The following COPG2 variants were observed in gnomAD, a reference collection of about 807,000 sequenced individuals.
COPG2 encodes the protein coatomer subunit gamma-2.
Under a neutral mutation model 46.3 loss-of-function variants are expected in COPG2, and 37 were observed. The ratio of observed to expected loss-of-function variants is 0.80; its 90% confidence interval spans 0.61 to 1.05. The LOEUF is 1.05. Ranked by LOEUF, COPG2 falls within the 50% of genes least tolerant of loss-of-function variation. The pLI is 0.00. For missense variants in COPG2, 427 were observed against 387.8 expected, an observed-to-expected ratio of 1.10 and a Z score of -0.85; for synonymous variants, 159 against 129.7, an observed-to-expected ratio of 1.23 and a Z score of -1.53.
At chr7:130,643,336 G>A (rs940265819) in intron 5 of COPG2, among the ~76,000 whole-genome samples, 19 of 151,190 alleles carry the variant, frequency 1.3e-4, no homozygotes, top group Middle Eastern at 3.4e-3. Context: ...TTTATTTATC[G>A]ACATAGCTCC....
At chr7:130,559,162 G>C (rs1408010242) in intron 12 of COPG2, among the ~76,000 whole-genome samples, 2 of 152,080 alleles carry the variant, frequency 1.3e-5, no homozygotes, top group Non-Finnish European at 2.9e-5. Context: ...CACAGATAAA[G>C]AGCTAATATC....
chr7:130,557,848 A>C (rs1189840605), intron 12 of COPG2, among the ~76,000 whole-genome samples: 6 of 139,136 alleles, frequency 4.3e-5, no homozygotes, highest in Non-Finnish European at 6.3e-5. Flanking sequence ...ATCATGCAAG[A>C]ATAGCCAGGA....
At chr7:130,651,429 G>A (rs1554459051) in intron 5 of COPG2, among the ~76,000 whole-genome samples, 3 of 142,636 alleles carry the variant, frequency 2.1e-5, no homozygotes, top group South Asian at 2.2e-4. Context: ...CGATTCTCCC[G>A]CCTCAGCCTC....
intron 9 of COPG2, among the ~76,000 whole-genome samples, chr7:130,566,218 G>C (rs1584975364): frequency 6.6e-6 from 1 of 152,128 alleles, no homozygotes; most frequent in Non-Finnish European, 1.5e-5. Context: ...TTGTGGTTTC[G>C]ATTTGCATTT....
At chr7:130,569,415 G>A (rs1793856742) in intron 9 of COPG2, among the ~76,000 whole-genome samples, 1 of 151,926 alleles carries the variant, frequency 6.6e-6, no homozygotes, top group Non-Finnish European at 1.5e-5. Context: ...ATCATTCAAG[G>A]CCACTATGAA....
intron 20 of COPG2, among the ~76,000 whole-genome samples, chr7:130,513,308 A>AAAAAAAATATATATATAT (rs1236511164): frequency 5.4e-5 from 3 of 55,670 alleles, no homozygotes; most frequent in Non-Finnish European, 5.9e-5. Context: ...AAAAAAAAAA[A>AAAAAAAATATATATATAT]ATATATATAT....
At chr7:130,601,547 A>G (rs1554450333) in intron 9 of COPG2, among the ~76,000 whole-genome samples, 1 of 152,158 alleles carries the variant, frequency 6.6e-6, no homozygotes, top group African/African-American at 2.4e-5. Flanking sequence ...ATCATTCTCA[A>G]CAAACTAACA....
intron 9 of COPG2, among the ~76,000 whole-genome samples, chr7:130,590,391 G>T (rs180691135): frequency 0.018 from 2,787 of 152,328 alleles, 44 homozygotes; most frequent in Non-Finnish European, 0.024. Context: ...GAGTGCCTGC[G>T]ACTGCAGGTG....
rs550109402 is a variant in COPG2 at position 130,643,031 on chromosome 7, G to A, written c.323+9838C>T. Among the ~76,000 whole-genome samples the A allele has an allele frequency of 2.7e-4, 41 of 150,968 alleles. No homozygotes were observed. The South Asian group carries it at 2.9e-3, about 11-fold the overall frequency. On this transcript the variant is annotated intron_variant, in intron 5 of 23. Coordinates refer to ENST00000425248, the MANE Select transcript of COPG2 (RefSeq NM_012133.6). ...AAAACAAAAACAAAAACTATAGGCC[G>A]GGCGCGGTGGCTCCCAGCACTTTGG...
chr7:130,610,797 G>T, intron 9 of COPG2, 156 bp downstream of exon 9: 1 of 750,836 alleles, frequency 1.3e-6, no homozygotes, highest in Non-Finnish European at 2.3e-6. Flanking sequence ...AAAAAAGTGT[G>T]ACTTGAAATT....
intron 20 of COPG2, among the ~76,000 whole-genome samples, chr7:130,537,559 G>T (rs1454554448): frequency 1.3e-5 from 2 of 150,974 alleles, no homozygotes; most frequent in East Asian, 3.9e-4. Context: ...CTGGGAGCTG[G>T]GAGAGCAGAG....
chr7:130,625,234 T>C (rs1418177522), intron 5 of COPG2, among the ~76,000 whole-genome samples: 8 of 152,212 alleles, frequency 5.3e-5, no homozygotes, highest in African/African-American at 1.4e-4. Flanking sequence ...AAGAAGACTA[T>C]TGATTATTAT....
chr7:130,620,648 A>G (rs1281822055), intron 5 of COPG2, among the ~76,000 whole-genome samples: 1 of 152,194 alleles, frequency 6.6e-6, no homozygotes, highest in Non-Finnish European at 1.5e-5. Context: ...CTAGTTTCAC[A>G]GGTCCATAGA....
At chr7:130,616,906 C>A in intron 6 of COPG2, 84 bp downstream of exon 6, 2 of 809,838 alleles carry the variant, frequency 2.5e-6, no homozygotes, top group South Asian at 3.8e-5. Flanking sequence ...CAAAGTCAGA[C>A]TAGGAAATCC....
At chr7:130,664,887 T>C (rs782264052) in intron 3 of COPG2, among the ~76,000 whole-genome samples, 1 of 152,170 alleles carries the variant, frequency 6.6e-6, no homozygotes, top group African/African-American at 2.4e-5. Flanking sequence ...TATTTAAAAC[T>C]ATGTGTTTGA....
At chr7:130,646,900 C>T (rs1329561815) in intron 5 of COPG2, among the ~76,000 whole-genome samples, 1 of 148,140 alleles carries the variant, frequency 6.8e-6, no homozygotes, top group Non-Finnish European at 1.5e-5. Flanking sequence ...TATAAATTAC[C>T]CAGTCTCGGA....
chr7:130,510,831 G>C, intron 20 of COPG2: 1 of 482,836 alleles, frequency 2.1e-6, no homozygotes. Context: ...TGACGAAATG[G>C]GGCGAGGAGG....
intron 5 of COPG2, among the ~76,000 whole-genome samples, chr7:130,644,104 T>C (rs1795546121): frequency 6.6e-6 from 1 of 152,004 alleles, no homozygotes; most frequent in Admixed American, 6.6e-5. Context: ...AGAGAATGAA[T>C]CCCTAAATAG....
At chr7:130,652,781 G>T in intron 5 of COPG2, 88 bp downstream of exon 5, 1 of 815,546 alleles carries the variant, frequency 1.2e-6, no homozygotes, top group Non-Finnish European at 2.0e-6. Context: ...AATTCCTATT[G>T]GCTTTCTTAT....
Sources: gnomAD v4.1 joint callset for allele counts (sites outside exome capture counted in the v4.1 genomes callset) on GRCh38, gnomAD v4.1.1 for gene constraint, MANE v1.5 for transcripts, NCBI Gene and HGNC (gene_info 2026-07-23, HGNC 2026-07-21) for gene names.